Variants in EBF2 observed in about 807,000 individuals in gnomAD.
EBF2 encodes the protein transcription factor COE2.
In EBF2, 21 loss-of-function variants were observed where a neutral mutation model predicts 72.8. The observed-to-expected ratio is 0.29, with a 90% CI of 0.20 to 0.42. The LOEUF is 0.42. EBF2 is among the 10% of genes least tolerant of loss of function. The probability of loss-of-function intolerance (pLI) is 1.00; values close to 1 mark genes in which losing one functional copy is unlikely to be tolerated. For missense variants in EBF2, 637 were observed against 731.2 expected (o/e 0.87, Z 1.49); for synonymous variants, 299 against 274.2 (o/e 1.09, Z -0.89).
At chr8:25,871,989 A>G (rs893692659) in intron 10 of EBF2, among the ~76,000 whole-genome samples, 6 of 151,968 alleles carry the variant, frequency 3.9e-5, no homozygotes, top group Non-Finnish European at 5.9e-5. Context: ...CTGGTGCTCA[A>G]TATTAATTTT....
Position 26,044,953 on chromosome 8 carries a change from A to G in EBF2, c.-94T>C. 4 of 1,388,846 alleles carry G rather than the reference A, an allele frequency of 2.9e-6. No homozygotes were observed. In the South Asian group the frequency reaches 4.4e-5, roughly 15 times the overall value. The allele number at this position is 1,388,846 out of a possible 1,614,324, so 86.0% of individuals were successfully genotyped here. ...CGTTGCCAGCAAATCGTCTCCTCCA[A>G]AGCAATCCAAGAAAAGGGATCAAGT... On this transcript the variant is annotated 5_prime_UTR_variant, in exon 1 of 16. Transcript: ENST00000520164. This position sits in a 1 kb window ranked among gnomAD's most constrained non-coding sequence, Gnocchi z 4.1.
At chr8:26,009,934 G>T (rs1428479312) in intron 6 of EBF2, among the ~76,000 whole-genome samples, 1 of 152,176 alleles carries the variant, frequency 6.6e-6, no homozygotes, top group Non-Finnish European at 1.5e-5. Flanking sequence ...TTCACTGGAC[G>T]CCCTCCACTT....
chr8:26,033,220 G>A (rs1381439477), intron 5 of EBF2, 67 bp from the exon 6 acceptor site: 2 of 1,490,676 alleles, frequency 1.3e-6, no homozygotes, highest in African/African-American at 1.4e-5. Context: ...ATGAGCACAT[G>A]ACAAGAACAT....
chr8:25,926,479 G>T (rs1346663442), intron 6 of EBF2, among the ~76,000 whole-genome samples: 1 of 152,154 alleles, frequency 6.6e-6, no homozygotes, highest in African/African-American at 2.4e-5. Flanking sequence ...GAAGACTCTT[G>T]CCTCTGTGAG....
Position 25,859,323 on chromosome 8 carries a change from C to T in EBF2, c.1343-819G>A, listed in dbSNP as rs145388244. On this transcript the variant is annotated intron_variant, in intron 13 of 15. Coordinates refer to ENST00000520164, the MANE Select transcript of EBF2 (RefSeq NM_022659.4). ...TCTTTTGGCGGGGCCTGGAGGGGAA[C>T]GGTATCTTCACCTCTCTGGGGCCAC... is the stretch of plus-strand genomic sequence containing the variant. Among the ~76,000 whole-genome samples, 453 of 152,294 alleles carry T rather than the reference C, an allele frequency of 3.0e-3. 6 individuals are homozygous for T. The highest frequency in any genetic ancestry group is 2.1e-3 in the Non-Finnish European group (143 of 68,026).
At chr8:25,934,365 G>T (rs1803539465) in intron 6 of EBF2, among the ~76,000 whole-genome samples, 1 of 151,760 alleles carries the variant, frequency 6.6e-6, no homozygotes, top group African/African-American at 2.4e-5. Context: ...TATGACTTTT[G>T]ACTTCATCCT....
chr8:25,949,493 C>G (rs1347994397), intron 6 of EBF2, among the ~76,000 whole-genome samples: 1 of 151,984 alleles, frequency 6.6e-6, no homozygotes, highest in Non-Finnish European at 1.5e-5. Context: ...AGAGGTGCGC[C>G]CTGATAAAAC....
intron 7 of EBF2, among the ~76,000 whole-genome samples, chr8:25,891,038 G>A (rs961385984): frequency 1.3e-5 from 2 of 152,244 alleles, no homozygotes; most frequent in Non-Finnish European, 2.9e-5. Flanking sequence ...TCTAAGCTCG[G>A]GGGGAGGTCC....
At chr8:25,855,288 C>T (rs1177476296) in intron 14 of EBF2, among the ~76,000 whole-genome samples, 1 of 152,148 alleles carries the variant, frequency 6.6e-6, no homozygotes, top group African/African-American at 2.4e-5. Context: ...GTCAGCATTT[C>T]ATTATAATCC....
intron 6 of EBF2, among the ~76,000 whole-genome samples, chr8:25,927,341 CATAT>C (rs774297610): frequency 3.6e-5 from 5 of 140,730 alleles, no homozygotes; most frequent in Admixed American, 1.5e-4. Context: ...ATCTAGATAT[CATAT>C]ATATTTATAT....
intron 10 of EBF2, among the ~76,000 whole-genome samples, chr8:25,878,473 C>A (rs1802557845): frequency 1.3e-5 from 2 of 152,148 alleles, no homozygotes; most frequent in African/African-American, 4.8e-5. Context: ...CCTGTGGAAG[C>A]CACTGATAGT....
At chr8:26,039,399 C>G (rs903370628) in intron 5 of EBF2, among the ~76,000 whole-genome samples, 1 of 152,154 alleles carries the variant, frequency 6.6e-6, no homozygotes. Flanking sequence ...GATCTCCCAG[C>G]GGGTCCTCTC....
At chr8:26,008,381 T>C (rs1221467522) in intron 6 of EBF2, among the ~76,000 whole-genome samples, 2 of 152,186 alleles carry the variant, frequency 1.3e-5, no homozygotes, top group African/African-American at 2.4e-5. Flanking sequence ...AAGCCTCAGC[T>C]GGGAAGGACC....
At chr8:25,851,079 C>G (rs967657641) in intron 14 of EBF2, among the ~76,000 whole-genome samples, 2 of 151,966 alleles carry the variant, frequency 1.3e-5, no homozygotes, top group Non-Finnish European at 2.9e-5. Flanking sequence ...TCTTCATTCA[C>G]AAGCAGAAGC....
intron 6 of EBF2, among the ~76,000 whole-genome samples, chr8:25,937,789 A>G (rs1315255340): frequency 6.6e-6 from 1 of 152,168 alleles, no homozygotes; most frequent in Non-Finnish European, 1.5e-5. Flanking sequence ...TGGGGAGTTC[A>G]CACTTCACAA....
chr8:25,860,209 G>A (rs1432183240), intron 13 of EBF2, among the ~76,000 whole-genome samples: 1 of 152,030 alleles, frequency 6.6e-6, no homozygotes, highest in African/African-American at 2.4e-5. Flanking sequence ...TCTTTACACG[G>A]TCTGCTTCAC....
At chr8:25,929,499 G>A (rs578230824) in intron 6 of EBF2, among the ~76,000 whole-genome samples, 42 of 152,270 alleles carry the variant, frequency 2.8e-4, no homozygotes, top group Admixed American at 1.4e-3. Flanking sequence ...AAGGCAAGGA[G>A]CTTCTCTATT....
intron 6 of EBF2, among the ~76,000 whole-genome samples, chr8:26,021,403 A>G (rs1805201181): frequency 6.6e-6 from 1 of 152,210 alleles, no homozygotes; most frequent in African/African-American, 2.4e-5. Context: ...AATCACTAAA[A>G]TAAAGGAGCC....
At chr8:25,947,795 G>T (rs1803796575) in intron 6 of EBF2, among the ~76,000 whole-genome samples, 1 of 152,180 alleles carries the variant, frequency 6.6e-6, no homozygotes. Flanking sequence ...CACCCAGTCT[G>T]GGCATCAACC....
Sources: gnomAD v4.1 joint callset for allele counts (sites outside exome capture counted in the v4.1 genomes callset) on GRCh38, gnomAD v4.1.1 for gene constraint, Gnocchi (gnomAD v3.1) non-coding constraint, MANE v1.5 for transcripts, NCBI Gene and HGNC (gene_info 2026-07-23, HGNC 2026-07-21) for gene names.